Variants in DYNC1I1 observed in about 807,000 individuals in gnomAD.
DYNC1I1 encodes cytoplasmic dynein 1 intermediate chain 1.
In DYNC1I1, 43 loss-of-function variants were observed where a neutral mutation model predicts 86.6. The observed-to-expected ratio is 0.50, with a 90% confidence interval of 0.39 to 0.64. The LOEUF (loss-of-function observed/expected upper bound fraction) is 0.64, where lower values mean the gene tolerates loss of function less well. Among genes scored for constraint, DYNC1I1 ranks in the 30% least tolerant of loss-of-function variants. DYNC1I1 has a pLI of 0.00. For synonymous variants in DYNC1I1, 262 were observed against 283.7 expected (o/e 0.92, Z 0.77); for missense variants, 604 against 788.8 (o/e 0.77, Z 2.81).
At chr7:96,019,088 G>A (rs1247098973) in intron 10 of DYNC1I1, among the ~76,000 whole-genome samples, 1 of 151,986 alleles carries the variant, frequency 6.6e-6, no homozygotes, top group Non-Finnish European at 1.5e-5. Context: ...ATATATCTAT[G>A]GTATACAACA....
chr7:96,065,682 C>T (rs909132562), intron 14 of DYNC1I1, among the ~76,000 whole-genome samples: 78 of 152,286 alleles, frequency 5.1e-4, no homozygotes, highest in African/African-American at 1.8e-3. Flanking sequence ...GCCACCGCGC[C>T]GAGCATCCCG....
rs1218894566 is a variant in DYNC1I1 at position 95,772,695 on chromosome 7, G to T, written c.-88G>T. On this transcript the variant is annotated 5_prime_UTR_variant, in exon 1 of 17. Transcript: ENST00000447467. ...GCCGGCCCCGCCACCTTCGGGAGCC[G>T]CCTGCACCAACGCTGCCGCCGCCCA... 6.5e-6 allele frequency: 1 copy of T among 152,672 alleles called. No homozygotes were observed. The highest frequency in any genetic ancestry group is 1.5e-5 in the Non-Finnish European group (1 of 68,174). The allele number at this position is 152,672 out of a possible 1,614,324, so 9.5% of individuals were successfully genotyped here.
chr7:95,818,473 ATT>A (rs10590197), intron 4 of DYNC1I1: 162,802 of 560,000 alleles, frequency 0.29, 12,306 homozygotes, highest in African/African-American at 0.49. Context: ...AGCTGATTTA[ATT>A]TTTTTTTTTT....
At chr7:96,015,968 C>A (rs1158220365) in intron 10 of DYNC1I1, among the ~76,000 whole-genome samples, 7 of 152,184 alleles carry the variant, frequency 4.6e-5, no homozygotes, top group Admixed American at 2.6e-4. Flanking sequence ...AGACATAGTC[C>A]TAGAGGTCAC....
intron 14 of DYNC1I1, among the ~76,000 whole-genome samples, chr7:96,062,235 C>T (rs1789803642): frequency 6.6e-6 from 1 of 152,160 alleles, no homozygotes; most frequent in Admixed American, 6.5e-5. Flanking sequence ...CTGAATTTTT[C>T]ATGTTAAGGA....
At chr7:95,900,819 G>A (rs1167174294) in intron 6 of DYNC1I1, among the ~76,000 whole-genome samples, 3 of 152,134 alleles carry the variant, frequency 2.0e-5, no homozygotes, top group Admixed American at 6.5e-5. Flanking sequence ...TATGTTTCAT[G>A]AGATTTTCAT....
intron 1 of DYNC1I1, among the ~76,000 whole-genome samples, chr7:95,782,556 G>A (rs955868777): frequency 1.2e-4 from 19 of 152,286 alleles, no homozygotes; most frequent in African/African-American, 3.8e-4. Context: ...GCACTTTTGG[G>A]CCCCAGCCCC....
chr7:96,066,066 C>T (rs1435572814), intron 14 of DYNC1I1, among the ~76,000 whole-genome samples: 1 of 152,090 alleles, frequency 6.6e-6, no homozygotes, highest in African/African-American at 2.4e-5. Context: ...TCATAACATA[C>T]CCCACTTTTC....
At chr7:95,913,640 C>T (rs1265642438) in intron 6 of DYNC1I1, among the ~76,000 whole-genome samples, 1 of 152,166 alleles carries the variant, frequency 6.6e-6, no homozygotes, top group Non-Finnish European at 1.5e-5. Context: ...AACTGTGAGT[C>T]CATTAAACCT....
intron 6 of DYNC1I1, among the ~76,000 whole-genome samples, chr7:95,965,256 T>G (rs996838708): frequency 7.9e-5 from 12 of 152,174 alleles, no homozygotes; most frequent in Non-Finnish European, 2.9e-5. Flanking sequence ...CTTCCACAAC[T>G]TTTCCTTTCC....
At chr7:95,940,176 C>A (rs892029271) in intron 6 of DYNC1I1, among the ~76,000 whole-genome samples, 1 of 152,198 alleles carries the variant, frequency 6.6e-6, no homozygotes, top group Non-Finnish European at 1.5e-5. Flanking sequence ...CGCTGTTAGT[C>A]TGATGGGCTT....
At chr7:95,958,408 C>T (rs1308161988) in intron 6 of DYNC1I1, among the ~76,000 whole-genome samples, 1 of 152,040 alleles carries the variant, frequency 6.6e-6, no homozygotes, top group Non-Finnish European at 1.5e-5. Context: ...CTGGGCAACA[C>T]AGTGAGACTC....
At chr7:95,974,905 C>T (rs1315056319) in intron 6 of DYNC1I1, among the ~76,000 whole-genome samples, 2 of 152,134 alleles carry the variant, frequency 1.3e-5, no homozygotes, top group Non-Finnish European at 2.9e-5. Flanking sequence ...TAGAACATTG[C>T]AGCTGCTTGT....
chr7:96,077,273 GTGT>G, intron 15 of DYNC1I1, among the ~76,000 whole-genome samples: 1 of 151,866 alleles, frequency 6.6e-6, no homozygotes, highest in Non-Finnish European at 1.5e-5. Context: ...GTGTGTGTGT[GTGT>G]GGGAGGGGGC....
At chr7:95,855,670 A>G (rs1584281422) in intron 5 of DYNC1I1, among the ~76,000 whole-genome samples, 1 of 152,346 alleles carries the variant, frequency 6.6e-6, no homozygotes, top group African/African-American at 2.4e-5. Context: ...TATTGCTCTT[A>G]GGCTACAAAC....
chr7:96,079,428 G>A (rs1322145557), intron 15 of DYNC1I1, among the ~76,000 whole-genome samples: 1 of 152,032 alleles, frequency 6.6e-6, no homozygotes, highest in Non-Finnish European at 1.5e-5. Context: ...CAAGAGATCT[G>A]AGCTTTATGT....
intron 4 of DYNC1I1, chr7:95,818,809 TATA>T: frequency 3.1e-6 from 1 of 318,942 alleles, no homozygotes. Context: ...TGTCATCATA[TATA>T]ATGATAAATG....
chr7:95,840,504 A>G (rs191705537), intron 5 of DYNC1I1, among the ~76,000 whole-genome samples: 1 of 152,304 alleles, frequency 6.6e-6, no homozygotes, highest in East Asian at 1.9e-4. Flanking sequence ...GAACATCTTC[A>G]TGATCAACAT....
intron 6 of DYNC1I1, among the ~76,000 whole-genome samples, chr7:95,870,582 A>C (rs577697344): frequency 6.6e-6 from 1 of 152,258 alleles, no homozygotes; most frequent in Admixed American, 6.5e-5. Flanking sequence ...TGGTTTGCCA[A>C]TTGAGGTAAC....
Sources: gnomAD v4.1 joint callset for allele counts (sites outside exome capture counted in the v4.1 genomes callset) on GRCh38, gnomAD v4.1.1 for gene constraint, MANE v1.5 for transcripts, NCBI Gene and HGNC (gene_info 2026-07-23, HGNC 2026-07-21) for gene names.